DHRS7: variants seen among roughly 807,000 people sequenced by gnomAD.
DHRS7 encodes dehydrogenase/reductase SDR family member 7.
In DHRS7, 34 loss-of-function variants were observed where a neutral mutation model predicts 38.9. The ratio of observed to expected loss-of-function variants is 0.87; its 90% confidence interval spans 0.66 to 1.16. The LOEUF (loss-of-function observed/expected upper bound fraction) is 1.16, where lower values mean the gene tolerates loss of function less well. Ranked by LOEUF, DHRS7 falls within the 50% of genes most tolerant of loss-of-function variation. The pLI, the probability that DHRS7 is intolerant of heterozygous loss-of-function variation, is 0.00. For synonymous variants in DHRS7, 158 were observed against 153.1 expected (o/e 1.03, Z -0.24); for missense variants, 421 against 407.0 (o/e 1.03, Z -0.30).
rs1896611913 is a variant in DHRS7, at chr14:60,154,190, A to G, written c.287-125T>C. On this transcript the variant is annotated intron_variant, in intron 2 of 6. Coordinates refer to ENST00000557185, the MANE Select transcript of DHRS7 (RefSeq NM_016029.4). ...AACTCATTTCTGGGTGGCCCTGTGA[A>G]AGTTCCTCTCGGTGGTCAGGAAGAG... is the stretch of plus-strand genomic sequence containing the variant. The G allele has an allele frequency of 8.7e-6, 6 of 687,702 alleles. No individual in the cohort carries two copies. In the East Asian group the frequency reaches 1.1e-4, roughly 13 times the overall value. 42.6% of individuals were successfully genotyped at this position (687,702 alleles called of 1,614,324 possible). A position where few individuals can be genotyped will look rare whatever the true frequency, so the allele number is the denominator to read the frequency against.
intron 2 of DHRS7, among the ~76,000 whole-genome samples, chr14:60,154,899 C>T: frequency 6.6e-6 from 1 of 151,902 alleles, no homozygotes; most frequent in Non-Finnish European, 1.5e-5. Context: ...AAGAAGTGGC[C>T]CAGTGCAAAA....
Position 60,149,382 on chromosome 14 carries a change from T to C in DHRS7, c.943A>G (p.Lys315Glu). 3 of 1,614,196 alleles carry C rather than the reference T, an allele frequency of 1.9e-6. No individual in the cohort carries two copies. The highest frequency in any genetic ancestry group is 2.5e-6 in the Non-Finnish European group (3 of 1,180,026). ...CCACTCTTAAAGTTCTCAATCCTTTTCTTCCCCATCTTGTTGGTTATCCAC... is the reference window on the plus strand; with the variant it reads ...CCACTCTTAAAGTTCTCAATCCTTTCCTTCCCCATCTTGTTGGTTATCCAC... Reference protein sequence around the residue: ...AWWITNKMGKKRIENFKSGVD... With the variant: ...AWWITNKMGKERIENFKSGVD... The change falls in exon 6 of 7, where the codon AAA becomes GAA. Residue 315 changes from lysine (K) to glutamate (E), a missense_variant. Coordinates refer to ENST00000557185, the MANE Select transcript of DHRS7 (RefSeq NM_016029.4).
chr14:60,151,540 A>ACC (rs1566531145), intron 4 of DHRS7, among the ~76,000 whole-genome samples: 22 of 152,084 alleles, frequency 1.4e-4, no homozygotes, highest in African/African-American at 5.3e-4. Context: ...TGAACCCAAA[A>ACC]AAAAAAAAAA....
chr14:60,149,251 G>A (rs1313030032), intron 6 of DHRS7, 102 bp downstream of exon 6: 1 of 1,080,180 alleles, frequency 9.3e-7, no homozygotes, highest in African/African-American at 1.6e-5. Context: ...TTACAGACAT[G>A]AGCCACTGCA....
Position 60,165,153 on chromosome 14 carries a change from GGA to G in DHRS7, c.133+22_133+23del, listed in dbSNP as rs917193747. On this transcript the variant is annotated intron_variant, in intron 1 of 6. Transcript: ENST00000557185. This position sits in a 1 kb window ranked among gnomAD's most constrained non-coding sequence, Gnocchi z 4.6. Reference sequence around the variant, plus strand: ...AGCTCCGAGCCCGGCCTCCCACTCGGGAGAGGCTTTGGCCGGTCCTCACCTGG... The same window carrying G: ...AGCTCCGAGCCCGGCCTCCCACTCGGGAGGCTTTGGCCGGTCCTCACCTGG... 1.9e-6 allele frequency: 3 copies of G among 1,610,606 alleles called. No homozygotes were observed. The African/African-American group carries it at 4.0e-5, about 22-fold the overall frequency.
chr14:60,153,900 G>T lies in DHRS7; in HGVS notation c.393+59C>A. 1 of 1,476,790 alleles carries T rather than the reference G, an allele frequency of 6.8e-7. No homozygotes were observed. The highest frequency in any genetic ancestry group is 9.5e-7 in the Non-Finnish European group (1 of 1,056,486). The allele number at this position is 1,476,790 out of a possible 1,614,324, so 91.5% of individuals were successfully genotyped here. ...CCCTTTGTATGACAGCACCACGGAT[G>T]GGAATCTCTTCTGCAGTTACTTCAA... On this transcript the variant is annotated intron_variant, in intron 3 of 6. Transcript: ENST00000557185. The surrounding 1 kb of genome is among the most constrained non-coding windows in gnomAD (Gnocchi z 4.4).
intron 6 of DHRS7, chr14:60,149,062 T>G (rs1297111894): frequency 2.7e-6 from 1 of 374,284 alleles, no homozygotes; most frequent in Non-Finnish European, 5.0e-6. Context: ...AACCTCCGCC[T>G]CCTCGGTTCA....
In DHRS7 at chr14:60,144,149, T is replaced by C. The variant is rs1043767121; in HGVS notation, c.*817A>G. The C allele has an allele frequency of 6.6e-6, 1 of 152,270 alleles. No homozygotes were observed. Among genetic ancestry groups the C allele is most frequent in the African/African-American group, 2.4e-5 (1 of 41,456 alleles). 9.4% of individuals were successfully genotyped at this position (152,270 alleles called of 1,614,324 possible). A position where few individuals can be genotyped will look rare whatever the true frequency, so the allele number is the denominator to read the frequency against. ...TAGAAGACATACAACAGGTGTTTAA[T>C]GAATAATAGGTGCAATGAATCCTAC... On this transcript the variant is annotated 3_prime_UTR_variant, in exon 7 of 7. Transcript: ENST00000557185.
Position 60,165,035 on chromosome 14 carries a change from G to T in DHRS7, c.133+142C>A. On this transcript the variant is annotated intron_variant, in intron 1 of 6. Transcript: ENST00000557185. The surrounding 1 kb of genome is among the most constrained non-coding windows in gnomAD (Gnocchi z 4.6). ...TTCCTCCCCAACCCGCAGCCCCTGCGTAAGGGGCAGCCGGGCCTTCGGGAA... is the reference window on the plus strand; with the variant it reads ...TTCCTCCCCAACCCGCAGCCCCTGCTTAAGGGGCAGCCGGGCCTTCGGGAA... 1.9e-6 allele frequency: 2 copies of T among 1,077,252 alleles called. No homozygotes were observed. The highest frequency in any genetic ancestry group is 1.3e-6 in the Non-Finnish European group (1 of 749,532). 66.7% of individuals were successfully genotyped at this position (1,077,252 alleles called of 1,614,324 possible).
At chr14:60,163,935 A>G (rs1337867942) in intron 1 of DHRS7, among the ~76,000 whole-genome samples, 1 of 152,208 alleles carries the variant, frequency 6.6e-6, no homozygotes, top group Non-Finnish European at 1.5e-5. Context: ...ATCAAGAGAA[A>G]GCCCTTGGTT....
upstream of DHRS7, chr14:60,165,424 G>T: frequency 7.0e-7 from 1 of 1,424,356 alleles, no homozygotes; most frequent in Non-Finnish European, 9.1e-7. The surrounding 1 kb of genome is among the most constrained non-coding windows in gnomAD (Gnocchi z 4.6). Flanking sequence ...GCACTGCCCC[G>T]GCTCCGCCCA....
In DHRS7 at chr14:60,149,658, G is replaced by T. The variant is rs553595335; in HGVS notation, c.757-90C>A. On this transcript the variant is annotated intron_variant, in intron 5 of 6. Coordinates refer to ENST00000557185, the MANE Select transcript of DHRS7 (RefSeq NM_016029.4). ...GACTCAAATGCCGTCTAGTTGAGTG[G>T]TTCCTTTAGTGGAGCTTCATGCCCC... The T allele has an allele frequency of 4.1e-6, 4 of 979,752 alleles. No homozygotes were observed. In the East Asian group the frequency reaches 7.6e-5, roughly 19 times the overall value. The allele number at this position is 979,752 out of a possible 1,614,324, so 60.7% of individuals were successfully genotyped here.
Position 60,165,073 on chromosome 14 carries a change from C to T in DHRS7, c.133+104G>A, listed in dbSNP as rs113840162. The T allele has an allele frequency of 3.0e-5, 44 of 1,448,922 alleles. 1 individual carries two copies. In the African/African-American group the frequency reaches 3.5e-4, roughly 12 times the overall value. The allele number at this position is 1,448,922 out of a possible 1,614,324, so 89.8% of individuals were successfully genotyped here. On this transcript the variant is annotated intron_variant, in intron 1 of 6. Transcript: ENST00000557185. The surrounding 1 kb of genome is among the most constrained non-coding windows in gnomAD (Gnocchi z 4.6). ...GGGCCTTCGGGAAGCTCCACGCAAC[C>T]CACAAAGGACCCGGGATCACTGCAG... is the stretch of plus-strand genomic sequence containing the variant.
At chr14:60,163,541 AATG>A (rs1217467429) in intron 1 of DHRS7, among the ~76,000 whole-genome samples, 4 of 152,372 alleles carry the variant, frequency 2.6e-5, no homozygotes, top group Non-Finnish European at 4.4e-5. Context: ...ATAACTACAT[AATG>A]ATAACAATGT....
In DHRS7 at chr14:60,153,085, A is replaced by C. The variant is rs190571329; in HGVS notation, c.487T>G (p.Tyr163Asp). 6.2e-7 allele frequency: 1 copy of C among 1,614,232 alleles called. No individual in the cohort carries two copies. The highest frequency in any genetic ancestry group is 8.5e-7 in the Non-Finnish European group (1 of 1,180,038). ...TTTGTCAAGGACACCGTCCCTAAGT[A>C]GTTAAGCTCTATTAGCTTTCTGTAG... ...DVYRKLIELN[Y>D]LGTVSLTKCV... The change falls in exon 4 of 7, where the codon TAC becomes GAC. Residue 163 changes from tyrosine (Y) to aspartate (D), a missense_variant. Physicochemically the swap from Tyr to Asp is radical, Grantham distance 160. Transcript: ENST00000557185. The surrounding 1 kb of genome is among the most constrained non-coding windows in gnomAD (Gnocchi z 4.4).
chr14:60,169,157 A>AAAAAAAAAAAAAAAAAAAAAAAAAAAC (rs1566539386), upstream of DHRS7: 4 of 150,122 alleles, frequency 2.7e-5, no homozygotes, highest in East Asian at 6.6e-4. Context: ...AAAAAAAAAA[A>AAAAAAAAAAAAAAAAAAAAAAAAAAAC]AAAACCATTG....
chr14:60,168,283 A>T (rs937697982), upstream of DHRS7, among the ~76,000 whole-genome samples: 1 of 152,156 alleles, frequency 6.6e-6, no homozygotes. Flanking sequence ...TAAGCAGTTT[A>T]TAGCTCTCAT....
chr14:60,156,003 G>T lies in DHRS7; in HGVS notation c.283C>A (p.Leu95Ile). The T allele has an allele frequency of 6.4e-7, 1 of 1,566,306 alleles. No individual in the cohort carries two copies. Among genetic ancestry groups the T allele is most frequent in the East Asian group, 2.4e-5 (1 of 42,296 alleles). Residue 95 changes from leucine (L) to isoleucine (I), a missense_variant, in exon 2 of 7, where the codon CTA (leucine) becomes ATA (isoleucine). Physicochemically the swap from Leu to Ile is conservative, Grantham distance 5. Transcript: ENST00000557185. ...HELERVKRRC[L>I]ENGNLKEKDI... ...CTGCTATTTCAGATCCGCTTACCTAGGCATCTTCTTTTCACCCTTTCCAGC... is the reference window on the plus strand; with the variant it reads ...CTGCTATTTCAGATCCGCTTACCTATGCATCTTCTTTTCACCCTTTCCAGC...
rs774443954 is a variant in DHRS7 at position 60,145,277 on chromosome 14, A to T, written c.973-264T>A. ...ATTGGACTGCAATGCTAAATTCTCT[A>T]TAATGACTTTTCTGGATCAGCATAT... On this transcript the variant is annotated intron_variant, in intron 6 of 6. Transcript: ENST00000557185. This position sits in a 1 kb window ranked among gnomAD's most constrained non-coding sequence, Gnocchi z 4.0. 2.5e-5 allele frequency: 7 copies of T among 284,058 alleles called. No homozygotes were observed. The highest frequency in any genetic ancestry group is 4.5e-5 in the Non-Finnish European group (7 of 155,948). 17.6% of individuals were successfully genotyped at this position (284,058 alleles called of 1,614,324 possible).
Sources: gnomAD v4.1 joint callset for allele counts (sites outside exome capture counted in the v4.1 genomes callset) on GRCh38, gnomAD v4.1.1 for gene constraint, Gnocchi (gnomAD v3.1) non-coding constraint, MANE v1.5 for transcripts, NCBI Gene and HGNC (gene_info 2026-07-23, HGNC 2026-07-21) for gene names.